IFRD1: variants seen among roughly 807,000 people sequenced by gnomAD.
IFRD1 encodes the protein interferon related developmental regulator 1.
A neutral mutation model predicts 52.9 loss-of-function variants in IFRD1; 35 were observed. That is an observed-to-expected ratio of 0.66 (90% confidence interval 0.51 to 0.88). IFRD1 has a LOEUF of 0.88. IFRD1 is among the 40% of genes least tolerant of loss of function. The pLI is 0.00. For synonymous variants in IFRD1, 184 were observed against 188.4 expected (o/e 0.98, Z 0.19); for missense variants, 517 against 550.8 (o/e 0.94, Z 0.61).
At chr7:112,472,624 T>G in intron 10 of IFRD1, 142 bp from the exon 11 acceptor site, 1 of 741,074 alleles carries the variant, frequency 1.3e-6, no homozygotes, top group Non-Finnish European at 2.4e-6. Flanking sequence ...AACAATTTGC[T>G]TTCTATTGAG....
At chr7:112,451,582 T>G (rs7793697) in intron 1 of IFRD1, among the ~76,000 whole-genome samples, 28,126 of 152,074 alleles carry the variant, frequency 0.18, 3,545 homozygotes, top group East Asian at 0.66. Context: ...TTGAGGTTAT[T>G]GTGCCCTCGC....
intron 8 of IFRD1, among the ~76,000 whole-genome samples, chr7:112,464,822 CAG>C (rs1224601319): frequency 1.3e-5 from 2 of 152,144 alleles, no homozygotes; most frequent in Non-Finnish European, 2.9e-5. Flanking sequence ...GCTGAGCGGA[CAG>C]GGGAAGTGCT....
At chr7:112,433,839 G>C (rs1794602333) in intron 1 of IFRD1, among the ~76,000 whole-genome samples, 1 of 147,900 alleles carries the variant, frequency 6.8e-6, no homozygotes, top group South Asian at 2.1e-4. Context: ...TCTTTTTTTT[G>C]AGACAGAGTC....
At chr7:112,463,098 ACC>A (rs1795485656) in intron 8 of IFRD1, among the ~76,000 whole-genome samples, 1 of 152,156 alleles carries the variant, frequency 6.6e-6, no homozygotes, top group Non-Finnish European at 1.5e-5. Context: ...CTCAAATCTT[ACC>A]ATTGGAAGGG....
chr7:112,430,870 A>G (rs1794531929), intron 1 of IFRD1, among the ~76,000 whole-genome samples: 1 of 152,224 alleles, frequency 6.6e-6, no homozygotes, highest in Non-Finnish European at 1.5e-5. Context: ...AGATTCTCCC[A>G]GCATCATGTT....
chr7:112,464,629 G>T (rs1795563389), intron 8 of IFRD1, among the ~76,000 whole-genome samples: 1 of 152,194 alleles, frequency 6.6e-6, no homozygotes, highest in Non-Finnish European at 1.5e-5. Flanking sequence ...GTTGAATTGA[G>T]TATTGCATTT....
chr7:112,430,473 G>A (rs918828525), intron 1 of IFRD1, among the ~76,000 whole-genome samples: 1 of 152,182 alleles, frequency 6.6e-6, no homozygotes, highest in Non-Finnish European at 1.5e-5. Flanking sequence ...GAAGATGTGT[G>A]GAACAGGTAA....
At chr7:112,474,797 GC>G (rs905409564) in intron 11 of IFRD1, among the ~76,000 whole-genome samples, 2 of 152,090 alleles carry the variant, frequency 1.3e-5, no homozygotes, top group African/African-American at 4.8e-5. Context: ...CTAATTGACA[GC>G]CAAGTAGGAC....
intron 1 of IFRD1, among the ~76,000 whole-genome samples, chr7:112,431,650 A>C (rs1017533726): frequency 6.6e-6 from 1 of 152,178 alleles, no homozygotes; most frequent in Non-Finnish European, 1.5e-5. Flanking sequence ...AACCTCCATA[A>C]TCTGTTTCTC....
intron 1 of IFRD1, among the ~76,000 whole-genome samples, chr7:112,440,584 C>G (rs188581474): frequency 6.0e-4 from 92 of 152,302 alleles, no homozygotes; most frequent in Admixed American, 4.1e-3. Context: ...TGGCAGTTCA[C>G]TCATTCTCCA....
chr7:112,427,209 A>G (rs764286500), intron 1 of IFRD1, among the ~76,000 whole-genome samples: 1 of 152,366 alleles, frequency 6.6e-6, no homozygotes, highest in South Asian at 2.1e-4. Context: ...ACCGACTCTC[A>G]AGATAATGAC....
chr7:112,447,097 G>C (rs555301457), upstream of IFRD1, among the ~76,000 whole-genome samples: 86 of 152,324 alleles, frequency 5.6e-4, no homozygotes, highest in African/African-American at 2.0e-3. Context: ...ATGCCTTCAA[G>C]GAAGGTATGA....
intron 8 of IFRD1, among the ~76,000 whole-genome samples, chr7:112,464,139 T>C (rs1795549615): frequency 6.6e-6 from 1 of 151,198 alleles, no homozygotes; most frequent in Non-Finnish European, 1.5e-5. Flanking sequence ...GTGAAATACA[T>C]AGACAGATTT....
At position 112,459,007 on chromosome 7, in the gene IFRD1, G is replaced by A. The variant is rs1261008599; in HGVS notation, c.556G>A (p.Ala186Thr). 2 of 1,613,146 alleles carry A rather than the reference G, an allele frequency of 1.2e-6. No homozygotes were observed. Among genetic ancestry groups the A allele is most frequent in the African/African-American group, 1.3e-5 (1 of 74,830 alleles). Reference sequence around the variant, plus strand: ...TTGTGATGGGTCAGCTAGTATGCAGGCTAGGCAAACTGTAAGTATAAGATA... The same window carrying A: ...TTGTGATGGGTCAGCTAGTATGCAGACTAGGCAAACTGTAAGTATAAGATA... ...IICDGSASMQARQTCATCFGV... is the reference protein window; with the variant it reads ...IICDGSASMQTRQTCATCFGV... Residue 186 changes from alanine to threonine, a missense_variant, in exon 5 of 12, where the codon GCT (alanine) becomes ACT (threonine). Ala to Thr is a moderately conservative substitution (Grantham distance 58). Transcript: ENST00000403825.
At chr7:112,474,899 T>C (rs545732168) in intron 11 of IFRD1, among the ~76,000 whole-genome samples, 14 of 152,354 alleles carry the variant, frequency 9.2e-5, no homozygotes, top group African/African-American at 3.4e-4. Flanking sequence ...TCGTCTAACT[T>C]TCTTGGCGTT....
chr7:112,475,342 T>A lies in IFRD1; in HGVS notation c.1267-88T>A. The A allele has an allele frequency of 6.6e-6, 5 of 754,162 alleles. No individual in the cohort carries two copies. In the South Asian group the frequency reaches 7.7e-5, roughly 12 times the overall value. 46.7% of individuals were successfully genotyped at this position (754,162 alleles called of 1,614,324 possible). ...GTTTATAGGGTCAAATTAGTTCATTTCTTTTCTTTGTGACTTTTACCCTTT... is the reference window on the plus strand; with the variant it reads ...GTTTATAGGGTCAAATTAGTTCATTACTTTTCTTTGTGACTTTTACCCTTT... On this transcript the variant is annotated intron_variant, in intron 11 of 11. Transcript: ENST00000403825.
chr7:112,441,842 T>G (rs1794897812), intron 1 of IFRD1, among the ~76,000 whole-genome samples: 1 of 152,196 alleles, frequency 6.6e-6, no homozygotes, highest in Non-Finnish European at 1.5e-5. Flanking sequence ...ACATGCTTAG[T>G]ATATAGTGGA....
At chr7:112,443,533 T>C (rs1334240730) in intron 1 of IFRD1, among the ~76,000 whole-genome samples, 1 of 151,670 alleles carries the variant, frequency 6.6e-6, no homozygotes, top group Non-Finnish European at 1.5e-5. Flanking sequence ...ATGGCACCAC[T>C]GTACTCCAGC....
Position 112,457,027 on chromosome 7 carries a change from G to A in IFRD1, c.398G>A (p.Cys133Tyr). The part of the protein sequence containing the change: ...RMTLTDSIER[C>Y]LKKGKSDEQR... ...ACTTTAACTGATAGCATTGAACGCT[G>A]CCTGAAAAAAGGTAATGCCCTTATT... Residue 133 changes from cysteine (C) to tyrosine (Y), a missense_variant, in exon 4 of 12, where the codon TGC becomes TAC. Coordinates refer to ENST00000403825, the MANE Select transcript of IFRD1 (RefSeq NM_001550.4). The A allele has an allele frequency of 1.2e-6, 2 of 1,613,788 alleles. No homozygotes were observed. The highest frequency in any genetic ancestry group is 3.3e-4 in the Middle Eastern group (2 of 6,058).
Sources: allele counts gnomAD v4.1 joint callset (sites outside exome capture counted in the v4.1 genomes callset), GRCh38; gene constraint gnomAD v4.1.1; transcripts MANE v1.5; gene names NCBI Gene and HGNC (gene_info 2026-07-23, HGNC 2026-07-21).